Variants in GPC6 observed in about 807,000 individuals in gnomAD.
GPC6 encodes glypican 6.
Under a neutral mutation model 55.2 loss-of-function variants are expected in GPC6, and 14 were observed. The ratio of observed to expected loss-of-function variants is 0.25; its 90% CI spans 0.17 to 0.40. The LOEUF (loss-of-function observed/expected upper bound fraction) is 0.40, where lower values mean the gene tolerates loss of function less well. GPC6 is among the 10% of genes least tolerant of loss of function. GPC6 has a pLI of 1.00. For synonymous variants in GPC6, 278 were observed against 259.6 expected (o/e 1.07, Z -0.68); for missense variants, 641 against 708.5 (o/e 0.90, Z 1.08).
intron 1 of GPC6, among the ~76,000 whole-genome samples, chr13:93,364,312 A>G (rs928816323): frequency 7.2e-5 from 11 of 152,178 alleles, no homozygotes; most frequent in Non-Finnish European, 1.6e-4. Flanking sequence ...ACGTGTCATA[A>G]GCAGAGCTGA....
intron 1 of GPC6, among the ~76,000 whole-genome samples, chr13:93,339,420 C>T (rs1413088472): frequency 1.3e-5 from 2 of 149,802 alleles, no homozygotes; most frequent in Non-Finnish European, 3.0e-5. Flanking sequence ...CCATCAAGTG[C>T]TCATTTATTA....
At chr13:93,756,417 C>T (rs1298346199) in intron 2 of GPC6, among the ~76,000 whole-genome samples, 2 of 152,172 alleles carry the variant, frequency 1.3e-5, no homozygotes, top group African/African-American at 4.8e-5. Flanking sequence ...TCCGGACATG[C>T]TGGTCAGAGG....
chr13:93,799,942 G>A (rs1264283893), intron 2 of GPC6, among the ~76,000 whole-genome samples: 1 of 152,146 alleles, frequency 6.6e-6, no homozygotes, highest in Non-Finnish European at 1.5e-5. Flanking sequence ...ATTTGCATGT[G>A]GTGGACAGTA....
intron 4 of GPC6, among the ~76,000 whole-genome samples, chr13:94,253,188 A>G (rs1436356509): frequency 6.6e-6 from 1 of 152,156 alleles, no homozygotes; most frequent in Non-Finnish European, 1.5e-5. Flanking sequence ...CCACACTTAC[A>G]GAAAATTACT....
At chr13:93,841,278 T>G (rs1887944552) in intron 3 of GPC6, among the ~76,000 whole-genome samples, 1 of 152,170 alleles carries the variant, frequency 6.6e-6, no homozygotes, top group African/African-American at 2.4e-5. Flanking sequence ...GAAGCGGGAC[T>G]TATATAGGGA....
At chr13:93,924,906 A>C (rs1255830741) in intron 3 of GPC6, among the ~76,000 whole-genome samples, 1 of 152,170 alleles carries the variant, frequency 6.6e-6, no homozygotes, top group Non-Finnish European at 1.5e-5. Flanking sequence ...ATGTACTGTG[A>C]AATGGCTACA....
chr13:94,055,328 T>C (rs940120310), intron 4 of GPC6, among the ~76,000 whole-genome samples: 3 of 152,104 alleles, frequency 2.0e-5, no homozygotes, highest in African/African-American at 7.2e-5. Context: ...CTGTGGTCAC[T>C]AGCAAAGAAA....
chr13:93,683,126 CTATGAG>C (rs60409500), intron 2 of GPC6, among the ~76,000 whole-genome samples: 35,877 of 151,602 alleles, frequency 0.24, 5,056 homozygotes, highest in East Asian at 0.46. Flanking sequence ...TAAGTGGTTC[CTATGAG>C]TATGTCAGGA....
intron 1 of GPC6, among the ~76,000 whole-genome samples, chr13:93,238,880 G>T (rs150697881): frequency 6.6e-6 from 1 of 151,984 alleles, no homozygotes; most frequent in Admixed American, 6.6e-5. Flanking sequence ...CTGTTTATGT[G>T]GTGAATTACA....
At chr13:93,331,440 A>T (rs1879840661) in intron 1 of GPC6, among the ~76,000 whole-genome samples, 1 of 152,190 alleles carries the variant, frequency 6.6e-6, no homozygotes, top group African/African-American at 2.4e-5. Flanking sequence ...GTAGAGTATG[A>T]TTCATCAACT....
At chr13:94,201,880 T>A (rs765796371) in intron 4 of GPC6, among the ~76,000 whole-genome samples, 1 of 151,834 alleles carries the variant, frequency 6.6e-6, no homozygotes, top group Admixed American at 6.6e-5. Flanking sequence ...ACCTGGGAGG[T>A]GGAGGTTGCA....
chr13:94,030,105 C>G (rs1040368510), intron 4 of GPC6, among the ~76,000 whole-genome samples: 2 of 151,630 alleles, frequency 1.3e-5, no homozygotes, highest in Admixed American at 1.3e-4. Flanking sequence ...CGGGTTCATG[C>G]CATTCTCCTG....
chr13:93,895,216 GTA>G (rs1753458216), intron 3 of GPC6, among the ~76,000 whole-genome samples: 1 of 70,400 alleles, frequency 1.4e-5, no homozygotes, highest in South Asian at 4.6e-4. Flanking sequence ...GTGTGTGTGT[GTA>G]TGTATGTGTG....
chr13:93,328,526 T>C (rs1319538201), intron 1 of GPC6, among the ~76,000 whole-genome samples: 1 of 151,758 alleles, frequency 6.6e-6, no homozygotes, highest in Non-Finnish European at 1.5e-5. Flanking sequence ...ATACAAAAAA[T>C]TAGCCTGGCG....
intron 6 of GPC6, among the ~76,000 whole-genome samples, chr13:94,334,868 TAA>T (rs1473541309): frequency 1.3e-5 from 2 of 152,192 alleles, no homozygotes; most frequent in African/African-American, 4.8e-5. Context: ...TCTTCATCTA[TAA>T]AAAGAGTAAT....
intron 3 of GPC6, among the ~76,000 whole-genome samples, chr13:93,934,139 G>A (rs1323424457): frequency 6.6e-6 from 1 of 152,118 alleles, no homozygotes; most frequent in African/African-American, 2.4e-5. Flanking sequence ...GAACACACTG[G>A]TGTGGTTTTT....
rs76458066 is a variant in GPC6, at chr13:94,176,884, A to G, written c.878-109465A>G. ...AATCAGAATCCCTGTAACATAAGTAACCAAGAAAGTAGAACATCGAAAACT... is the reference window on the plus strand; with the variant it reads ...AATCAGAATCCCTGTAACATAAGTAGCCAAGAAAGTAGAACATCGAAAACT... On this transcript the variant is annotated intron_variant, in intron 4 of 8. Transcript: ENST00000377047. 4.8e-3 allele frequency among the ~76,000 whole-genome samples: 735 copies of G among 152,308 alleles called. 9 individuals are homozygous for G. The East Asian group carries it at 0.05, about 10-fold the overall frequency.
chr13:93,225,139 A>G (rs1875726667), upstream of GPC6, among the ~76,000 whole-genome samples: 1 of 152,218 alleles, frequency 6.6e-6, no homozygotes. Flanking sequence ...GTAAATTACA[A>G]TGAGTCCCAG....
intron 6 of GPC6, among the ~76,000 whole-genome samples, chr13:94,323,103 G>A (rs571558786): frequency 2.8e-4 from 42 of 152,148 alleles, no homozygotes; most frequent in African/African-American, 9.6e-4. Context: ...GAAAGAAGCC[G>A]GCTCCACACA....
Sources: gnomAD v4.1 joint callset for allele counts (sites outside exome capture counted in the v4.1 genomes callset) on GRCh38, gnomAD v4.1.1 for gene constraint, MANE v1.5 for transcripts, NCBI Gene and HGNC (gene_info 2026-07-23, HGNC 2026-07-21) for gene names.